The following ARHGAP32 variants were observed in gnomAD, a reference collection of about 807,000 sequenced individuals.
ARHGAP32 encodes the protein Rho GTPase activating protein 32.
Under a neutral mutation model 186.5 loss-of-function variants are expected in ARHGAP32, and 51 were observed. The ratio of observed to expected loss-of-function variants is 0.27; its 90% CI spans 0.22 to 0.35. ARHGAP32 has a LOEUF of 0.35. Ranked by LOEUF, ARHGAP32 falls within the 10% of genes least tolerant of loss-of-function variation. ARHGAP32 has a pLI of 1.00. For missense variants in ARHGAP32, 2,186 were observed against 2,623.5 expected, an observed-to-expected ratio of 0.83 and a Z score of 3.64; for synonymous variants, 950 against 964.3, an observed-to-expected ratio of 0.99 and a Z score of 0.27.
chr11:129,036,704 A>G (rs1219760390), intron 11 of ARHGAP32, among the ~76,000 whole-genome samples: 1 of 152,208 alleles, frequency 6.6e-6, no homozygotes, highest in Non-Finnish European at 1.5e-5. Flanking sequence ...CTTGACACAC[A>G]AGAAACAGAA....
At chr11:129,077,006 A>G (rs867560515) in intron 6 of ARHGAP32, among the ~76,000 whole-genome samples, 1 of 152,214 alleles carries the variant, frequency 6.6e-6, no homozygotes, top group Non-Finnish European at 1.5e-5. Context: ...AATCCAGATC[A>G]TGGAAGAAAG....
chr11:129,050,123 A>C (rs1165244096), intron 10 of ARHGAP32, among the ~76,000 whole-genome samples: 2 of 152,242 alleles, frequency 1.3e-5, no homozygotes, highest in Non-Finnish European at 2.9e-5. Context: ...GAAACTGCTA[A>C]ACTGTTTTCA....
At position 128,980,490 on chromosome 11, in the gene ARHGAP32, A is replaced by G. The variant is rs762765980; in HGVS notation, c.1976+63T>C. The G allele has an allele frequency of 2.7e-4, 361 of 1,343,704 alleles. 1 individual carries two copies. The highest frequency in any genetic ancestry group is 3.6e-4 in the Non-Finnish European group (354 of 985,804). The allele number at this position is 1,343,704 out of a possible 1,614,324, so 83.2% of individuals were successfully genotyped here. A position where few individuals can be genotyped will look rare whatever the true frequency, so the allele number is the denominator to read the frequency against. On this transcript the variant is annotated intron_variant, in intron 18 of 22. Coordinates refer to ENST00000682385, the MANE Select transcript of ARHGAP32 (RefSeq NM_001378024.1). ...AAAATACAAAATTAAAAGCAAACTA[A>G]AAGAAAATAATAGGACATAGCTATG...
intron 1 of ARHGAP32, among the ~76,000 whole-genome samples, chr11:129,262,084 C>A (rs998235680): frequency 6.6e-6 from 1 of 151,980 alleles, no homozygotes; most frequent in Non-Finnish European, 1.5e-5. Flanking sequence ...AAAATGTTCA[C>A]GAACAATATT....
chr11:129,260,748 CAATAA>C (rs1370410176), intron 1 of ARHGAP32, among the ~76,000 whole-genome samples: 3 of 152,136 alleles, frequency 2.0e-5, no homozygotes, highest in Admixed American at 6.5e-5. Context: ...AATCTTAGCA[CAATAA>C]AATATGTTAC....
At chr11:129,204,367 T>C (rs959116845) in intron 1 of ARHGAP32, among the ~76,000 whole-genome samples, 7 of 152,012 alleles carry the variant, frequency 4.6e-5, no homozygotes, top group Non-Finnish European at 8.8e-5. Context: ...GTGACAAGTC[T>C]GGGGAGAGGT....
At chr11:129,043,401 T>G (rs201813744) in intron 10 of ARHGAP32, among the ~76,000 whole-genome samples, 6 of 125,894 alleles carry the variant, frequency 4.8e-5, no homozygotes, top group African/African-American at 1.7e-4. Flanking sequence ...TTTTTTTTTT[T>G]GCGCAACGGA....
chr11:129,125,249 C>T (rs1329171313), intron 2 of ARHGAP32, among the ~76,000 whole-genome samples: 1 of 151,778 alleles, frequency 6.6e-6, no homozygotes, highest in African/African-American at 2.4e-5. Flanking sequence ...CATTAAAATG[C>T]TAATATAAAA....
At chr11:129,172,817 A>G (rs2135508948) in intron 1 of ARHGAP32, among the ~76,000 whole-genome samples, 1 of 152,308 alleles carries the variant, frequency 6.6e-6, no homozygotes, top group Admixed American at 6.5e-5. Flanking sequence ...GGAAATGTAT[A>G]GCACTAAATG....
intron 11 of ARHGAP32, among the ~76,000 whole-genome samples, chr11:129,028,356 G>C (rs1938955337): frequency 6.6e-6 from 1 of 152,188 alleles, no homozygotes; most frequent in African/African-American, 2.4e-5. Context: ...AGTACCTTGG[G>C]AAGAGAGTAA....
At chr11:129,133,216 G>A (rs1247901938) in intron 2 of ARHGAP32, among the ~76,000 whole-genome samples, 1 of 152,132 alleles carries the variant, frequency 6.6e-6, no homozygotes, top group Non-Finnish European at 1.5e-5. Context: ...GCAATCTGAA[G>A]AAAAGATAGT....
At chr11:129,193,673 TAATATATAATATATA>T (rs1944340403), upstream of ARHGAP32, among the ~76,000 whole-genome samples, 1 of 49,716 alleles carries the variant, frequency 2.0e-5, no homozygotes, top group African/African-American at 8.1e-5. Flanking sequence ...ATATTATATA[TAATATATAATATATA>T]TTATATAATA....
intron 1 of ARHGAP32, among the ~76,000 whole-genome samples, chr11:129,264,250 T>C (rs1278444180): frequency 6.6e-6 from 1 of 152,068 alleles, no homozygotes; most frequent in African/African-American, 2.4e-5. Context: ...AAGGGGAAAA[T>C]GGCAAGTTGT....
chr11:129,270,757 C>A (rs931527338), intron 1 of ARHGAP32, among the ~76,000 whole-genome samples: 3 of 151,716 alleles, frequency 2.0e-5, no homozygotes, highest in African/African-American at 4.8e-5. Context: ...ATCACTGAGA[C>A]TGTGGCTCAG....
intron 6 of ARHGAP32, among the ~76,000 whole-genome samples, chr11:129,087,775 T>C (rs1252407324): frequency 6.6e-6 from 1 of 152,204 alleles, no homozygotes; most frequent in African/African-American, 2.4e-5. Flanking sequence ...TCATCAATGA[T>C]AACAAATGTA....
At chr11:129,013,195 G>C (rs1201943599) in intron 11 of ARHGAP32, among the ~76,000 whole-genome samples, 1 of 152,214 alleles carries the variant, frequency 6.6e-6, no homozygotes, top group East Asian at 1.9e-4. Flanking sequence ...GGGTGTCACT[G>C]GCAACTCTGT....
intron 1 of ARHGAP32, among the ~76,000 whole-genome samples, chr11:129,233,229 T>C (rs774675332): frequency 2.6e-5 from 4 of 152,196 alleles, no homozygotes; most frequent in Non-Finnish European, 5.9e-5. Flanking sequence ...AGGGATTGGC[T>C]TTGAAATAAT....
chr11:129,268,162 T>C (rs1216537918), intron 1 of ARHGAP32, among the ~76,000 whole-genome samples: 1 of 152,064 alleles, frequency 6.6e-6, no homozygotes, highest in Non-Finnish European at 1.5e-5. Flanking sequence ...AAAAATAATC[T>C]AAAAACCTTG....
chr11:128,974,916 G>T lies in ARHGAP32; in HGVS notation c.2281C>A (p.Arg761Ser). 6.2e-7 allele frequency: 1 copy of T among 1,614,072 alleles called. No homozygotes were observed. Among genetic ancestry groups the T allele is most frequent in the Non-Finnish European group, 8.5e-7 (1 of 1,180,004 alleles). ...GGCAGATTATCATAGGAGTTACAGC[G>T]GTTCCCCAGCATTTCTCCATTAAAA... The part of the protein sequence containing the change: ...ASFNGEMLGN[R>S]CNSYDNLPHD... Residue 761 changes from arginine to serine, a missense_variant, in exon 21 of 23, where the codon CGC (arginine) becomes AGC (serine). Transcript: ENST00000682385.
Sources: allele counts gnomAD v4.1 joint callset (sites outside exome capture counted in the v4.1 genomes callset), GRCh38; gene constraint gnomAD v4.1.1; transcripts MANE v1.5; gene names NCBI Gene and HGNC (gene_info 2026-07-23, HGNC 2026-07-21).